PLCXD3: variants seen among roughly 807,000 people sequenced by gnomAD.
The protein encoded by PLCXD3 is phosphatidylinositol specific phospholipase C X domain containing 3, also known as PI-PLC X domain-containing protein 3.
PLCXD3 carries 19 observed loss-of-function variants against 25.5 expected under a neutral mutation model. The observed-to-expected ratio is 0.75, with a 90% CI of 0.52 to 1.09. The LOEUF (loss-of-function observed/expected upper bound fraction) is 1.09. Ranked by LOEUF, PLCXD3 falls within the 50% of genes least tolerant of loss-of-function variation. PLCXD3 has a pLI of 0.00. For synonymous variants in PLCXD3, 174 were observed against 137.6 expected (o/e 1.26, Z -1.85); for missense variants, 411 against 388.1 (o/e 1.06, Z -0.50).
chr5:41,395,481 T>A (rs114103840), intron 1 of PLCXD3, among the ~76,000 whole-genome samples: 6,584 of 151,648 alleles, frequency 0.043, 187 homozygotes, highest in Non-Finnish European at 0.061. Context: ...CAGAAATAAA[T>A]GAAATTGAAA....
chr5:41,366,580 C>T (rs318836), intron 2 of PLCXD3, among the ~76,000 whole-genome samples: 92,046 of 152,120 alleles, frequency 0.61, 28,603 homozygotes, highest in South Asian at 0.75. Context: ...ACTATTTCAA[C>T]ACACAACATG....
At chr5:41,481,244 G>A (rs1040128380) in intron 1 of PLCXD3, among the ~76,000 whole-genome samples, 9 of 151,934 alleles carry the variant, frequency 5.9e-5, no homozygotes, top group Non-Finnish European at 7.4e-5. Context: ...AAATGGGAAT[G>A]ATATTGACTA....
intron 1 of PLCXD3, among the ~76,000 whole-genome samples, chr5:41,496,334 G>A (rs866069811): frequency 1.3e-4 from 20 of 151,964 alleles, no homozygotes; most frequent in Admixed American, 6.6e-4. Context: ...TCCCAAATAT[G>A]AGGAAAGAAA....
intron 1 of PLCXD3, among the ~76,000 whole-genome samples, chr5:41,382,832 T>C (rs1052626597): frequency 2.0e-5 from 3 of 152,112 alleles, no homozygotes; most frequent in Admixed American, 6.6e-5. Context: ...CTCACTAGAA[T>C]TGGCTTTCCT....
chr5:41,411,172 T>G (rs1746509143), intron 1 of PLCXD3, among the ~76,000 whole-genome samples: 2 of 152,354 alleles, frequency 1.3e-5, no homozygotes, highest in South Asian at 4.1e-4. Context: ...CTCTTAGATT[T>G]GAGAACCAAG....
chr5:41,317,158 A>G (rs1743324201), intron 2 of PLCXD3, among the ~76,000 whole-genome samples: 1 of 152,232 alleles, frequency 6.6e-6, no homozygotes, highest in Admixed American at 6.5e-5. Flanking sequence ...AGGTGGTTCA[A>G]AATGGAGTGG....
chr5:41,477,701 G>T (rs576179760), intron 1 of PLCXD3, among the ~76,000 whole-genome samples: 110 of 152,058 alleles, frequency 7.2e-4, no homozygotes, highest in Middle Eastern at 6.8e-3. Flanking sequence ...CCTCATCTGG[G>T]CATTAGAAGT....
chr5:41,339,815 C>T (rs1030775082), intron 2 of PLCXD3, among the ~76,000 whole-genome samples: 1 of 152,038 alleles, frequency 6.6e-6, no homozygotes, highest in African/African-American at 2.4e-5. Context: ...ATAAAAATGA[C>T]CTTAAAAAGA....
chr5:41,442,028 C>G (rs1240501349), intron 1 of PLCXD3, among the ~76,000 whole-genome samples: 4 of 152,198 alleles, frequency 2.6e-5, no homozygotes, highest in African/African-American at 4.8e-5. Flanking sequence ...AGATTCTCCA[C>G]TATGTCAACC....
In PLCXD3 at chr5:41,418,765, A is replaced by G. The variant is rs551877836; in HGVS notation, c.104-36231T>C. On this transcript the variant is annotated intron_variant, in intron 1 of 2. Coordinates refer to ENST00000377801, the MANE Select transcript of PLCXD3 (RefSeq NM_001005473.3). ...AAAACTTTCACTCATAAACTATCCTAATTGTTTGTTATTCCAGCAATGACA... is the reference window on the plus strand; with the variant it reads ...AAAACTTTCACTCATAAACTATCCTGATTGTTTGTTATTCCAGCAATGACA... 3.9e-5 allele frequency among the ~76,000 whole-genome samples: 6 copies of G among 152,082 alleles called. No individual in the cohort carries two copies. In the South Asian group the frequency reaches 1.0e-3, roughly 26 times the overall value.
intron 1 of PLCXD3, among the ~76,000 whole-genome samples, chr5:41,500,385 G>A (rs1021995716): frequency 2.0e-5 from 3 of 151,818 alleles, no homozygotes; most frequent in Admixed American, 2.0e-4. Context: ...ATGTACATAC[G>A]AATGTAGCGA....
chr5:41,316,608 A>T (rs758178081), intron 2 of PLCXD3, among the ~76,000 whole-genome samples: 2 of 152,192 alleles, frequency 1.3e-5, no homozygotes, highest in African/African-American at 2.4e-5. Context: ...GGACCTGCCC[A>T]GGGTCAGAGG....
intron 2 of PLCXD3, among the ~76,000 whole-genome samples, chr5:41,356,404 G>T (rs894013836): frequency 1.1e-4 from 17 of 152,174 alleles, no homozygotes; most frequent in African/African-American, 4.1e-4. Context: ...TTGGTTCTGG[G>T]TAAAAATTAA....
chr5:41,325,035 A>G (rs1205151372), intron 2 of PLCXD3, among the ~76,000 whole-genome samples: 1 of 152,202 alleles, frequency 6.6e-6, no homozygotes, highest in Non-Finnish European at 1.5e-5. Context: ...GTTACTCAGA[A>G]GTTAAAATTT....
At chr5:41,424,494 C>T (rs1012597403) in intron 1 of PLCXD3, among the ~76,000 whole-genome samples, 1 of 152,000 alleles carries the variant, frequency 6.6e-6, no homozygotes, top group Non-Finnish European at 1.5e-5. Context: ...GAGCCAAGAT[C>T]GTGCCACTGC....
At chr5:41,416,696 T>C (rs1012917834) in intron 1 of PLCXD3, among the ~76,000 whole-genome samples, 2 of 152,162 alleles carry the variant, frequency 1.3e-5, no homozygotes, top group African/African-American at 2.4e-5. Context: ...GACATGTTAG[T>C]TTTCAGAATT....
intron 2 of PLCXD3, among the ~76,000 whole-genome samples, chr5:41,335,600 G>A (rs900261328): frequency 6.6e-6 from 1 of 152,102 alleles, no homozygotes; most frequent in African/African-American, 2.4e-5. Flanking sequence ...AAGAAGAGAA[G>A]GGCTTTGTGG....
chr5:41,488,068 T>A (rs1242578609), intron 1 of PLCXD3, among the ~76,000 whole-genome samples: 1 of 60,116 alleles, frequency 1.7e-5, no homozygotes, highest in Non-Finnish European at 3.2e-5. Flanking sequence ...CCCTCCCCCC[T>A]CCCCCCTCCC....
At chr5:41,481,787 C>G (rs1395560242) in intron 1 of PLCXD3, among the ~76,000 whole-genome samples, 1 of 152,198 alleles carries the variant, frequency 6.6e-6, no homozygotes, top group East Asian at 1.9e-4. Context: ...TGGGATGAGC[C>G]CCTTAGCCAC....
Sources: gnomAD v4.1 joint callset for allele counts (sites outside exome capture counted in the v4.1 genomes callset) on GRCh38, gnomAD v4.1.1 for gene constraint, MANE v1.5 for transcripts, NCBI Gene and HGNC (gene_info 2026-07-23, HGNC 2026-07-21) for gene names.